The following ITGB5 variants were observed in gnomAD, a reference collection of about 807,000 sequenced individuals.
ITGB5 encodes integrin subunit beta 5.
Under a neutral mutation model 84.8 loss-of-function variants are expected in ITGB5, and 38 were observed. That is an observed-to-expected ratio of 0.45 (90% CI 0.35 to 0.59). The LOEUF (loss-of-function observed/expected upper bound fraction) is 0.59, where lower values mean the gene tolerates loss of function less well. Among genes scored for constraint, ITGB5 ranks in the 20% least tolerant of loss-of-function variants. ITGB5 has a pLI of 0.01. For synonymous variants in ITGB5, 393 were observed against 414.4 expected (o/e 0.95, Z 0.63); for missense variants, 905 against 1,034.5 (o/e 0.87, Z 1.72).
intron 1 of ITGB5, among the ~76,000 whole-genome samples, chr3:124,874,525 T>C (rs1934217274): frequency 6.6e-6 from 1 of 152,168 alleles, no homozygotes; most frequent in Admixed American, 6.6e-5. Context: ...CACAAAAGTT[T>C]GTATGAAACC....
At chr3:124,818,691 T>C (rs2064649454) in intron 7 of ITGB5, among the ~76,000 whole-genome samples, 2 of 152,062 alleles carry the variant, frequency 1.3e-5, no homozygotes, top group Non-Finnish European at 2.9e-5. Context: ...GGCTTTATCC[T>C]GCTATCTTCC....
At chr3:124,763,848 A>T in intron 14 of ITGB5, 130 bp from the exon 15 acceptor site, 1 of 605,362 alleles carries the variant, frequency 1.7e-6, no homozygotes, top group African/African-American at 1.9e-5. Context: ...ACTCAGGAGG[A>T]GACGGCCGTG....
intron 10 of ITGB5, among the ~76,000 whole-genome samples, chr3:124,779,817 G>C (rs1004416236): frequency 6.6e-6 from 1 of 152,124 alleles, no homozygotes; most frequent in Non-Finnish European, 1.5e-5. Flanking sequence ...GGCGGGGTGT[G>C]GGGGGAGCTT....
upstream of ITGB5, chr3:124,887,906 T>C (rs4679113): frequency 1.4e-5 from 3 of 222,074 alleles, no homozygotes; most frequent in South Asian, 4.7e-5. Context: ...AAAACCTACA[T>C]TTCTTTTTCT....
intron 5 of ITGB5, among the ~76,000 whole-genome samples, chr3:124,822,946 G>GA (rs147393939): frequency 0.021 from 3,253 of 152,202 alleles, 98 homozygotes; most frequent in African/African-American, 0.069. Flanking sequence ...AACTGAGCTG[G>GA]AAAAAATGAG....
At chr3:124,790,617 G>A (rs916044808) in intron 10 of ITGB5, among the ~76,000 whole-genome samples, 1 of 152,164 alleles carries the variant, frequency 6.6e-6, no homozygotes, top group Non-Finnish European at 1.5e-5. Flanking sequence ...TTGCTAAATC[G>A]GCCGGGAACT....
At chr3:124,892,097 T>C (rs1479287743), upstream of ITGB5, among the ~76,000 whole-genome samples, 1 of 151,978 alleles carries the variant, frequency 6.6e-6, no homozygotes, top group Non-Finnish European at 1.5e-5. Flanking sequence ...ATGTATAAAG[T>C]ACATAGAATG....
At chr3:124,873,162 GA>G (rs1934138337) in intron 2 of ITGB5, among the ~76,000 whole-genome samples, 1 of 152,156 alleles carries the variant, frequency 6.6e-6, no homozygotes, top group Non-Finnish European at 1.5e-5. Context: ...CCAAAGATCA[GA>G]AAACTATAGA....
chr3:124,806,992 A>G (rs2064415792), intron 9 of ITGB5, among the ~76,000 whole-genome samples: 1 of 152,228 alleles, frequency 6.6e-6, no homozygotes, highest in South Asian at 2.1e-4. Context: ...CACATCAATT[A>G]TATTTCTATT....
chr3:124,839,455 T>A (rs963332036), intron 5 of ITGB5, among the ~76,000 whole-genome samples: 3 of 152,208 alleles, frequency 2.0e-5, no homozygotes, highest in Non-Finnish European at 4.4e-5. Flanking sequence ...TGATCAATCA[T>A]GCCCTTTCAA....
At chr3:124,776,921 G>A (rs1309409294) in intron 10 of ITGB5, among the ~76,000 whole-genome samples, 1 of 152,130 alleles carries the variant, frequency 6.6e-6, no homozygotes, top group Non-Finnish European at 1.5e-5. Context: ...TAAGGGAACG[G>A]GCCTTCCTTG....
chr3:124,771,462 T>G (rs1294701059), intron 11 of ITGB5, among the ~76,000 whole-genome samples: 1 of 151,842 alleles, frequency 6.6e-6, no homozygotes, highest in Admixed American at 6.6e-5. Context: ...TAAGAAGGAA[T>G]AGTGGGCTGG....
chr3:124,833,903 G>T (rs2107582018), intron 5 of ITGB5, among the ~76,000 whole-genome samples: 1 of 152,280 alleles, frequency 6.6e-6, no homozygotes, highest in African/African-American at 2.4e-5. Flanking sequence ...AAAATAAGAT[G>T]ATAACTAGGA....
At chr3:124,887,937 G>C (rs1394515351), upstream of ITGB5, 2 of 203,242 alleles carry the variant, frequency 9.8e-6, no homozygotes, top group Non-Finnish European at 1.8e-5. Flanking sequence ...TTTTTTTTTT[G>C]AGACAGCGTC....
intron 1 of ITGB5, among the ~76,000 whole-genome samples, chr3:124,896,934 A>T (rs1015113886): frequency 1.3e-5 from 2 of 151,266 alleles, no homozygotes; most frequent in African/African-American, 2.4e-5. Context: ...AAAAAAATTT[A>T]AAAAGAAAAA....
chr3:124,765,459 T>C (rs2150920485), intron 13 of ITGB5, among the ~76,000 whole-genome samples: 1 of 152,328 alleles, frequency 6.6e-6, no homozygotes, highest in South Asian at 2.1e-4. Context: ...GGATGCTCCC[T>C]GACTTGAGTG....
chr3:124,762,382 ACCT>A lies in ITGB5; in HGVS notation c.*1238_*1240del, dbSNP rs757014997. Reference sequence around the variant, plus strand: ...CTTAGGAACAGTTTGTCATTCAGTAACCTCCTAACAAACACTCGGGCAAGCCAC... The same window carrying A: ...CTTAGGAACAGTTTGTCATTCAGTAACCTAACAAACACTCGGGCAAGCCAC... On this transcript the variant is annotated 3_prime_UTR_variant, in exon 15 of 15. Coordinates refer to ENST00000296181, the MANE Select transcript of ITGB5 (RefSeq NM_002213.5). 6.6e-6 allele frequency: 1 copy of A among 152,208 alleles called. No homozygotes were observed. The highest frequency in any genetic ancestry group is 1.5e-5 in the Non-Finnish European group (1 of 68,014). The allele number at this position is 152,208 out of a possible 1,614,324, so 9.4% of individuals were successfully genotyped here.
chr3:124,885,879 T>A (rs1249817646), intron 1 of ITGB5, among the ~76,000 whole-genome samples: 1 of 152,238 alleles, frequency 6.6e-6, no homozygotes, highest in Non-Finnish European at 1.5e-5. Flanking sequence ...ACTGCCTTCA[T>A]GTAAATGAGA....
chr3:124,763,467 C>T lies in ITGB5; in HGVS notation c.*156G>A. The T allele has an allele frequency of 1.8e-6, 1 of 549,874 alleles. No homozygotes were observed. The highest frequency in any genetic ancestry group is 2.2e-5 in the South Asian group (1 of 45,628). 34.1% of individuals were successfully genotyped at this position (549,874 alleles called of 1,614,324 possible). On this transcript the variant is annotated 3_prime_UTR_variant, in exon 15 of 15. Coordinates refer to ENST00000296181, the MANE Select transcript of ITGB5 (RefSeq NM_002213.5). ...CCAGGTGACATGGCCAGGCACCTTC[C>T]TGTACAGGCACTGTGGGCTCCTGGC...
Sources: gnomAD v4.1 joint callset for allele counts (sites outside exome capture counted in the v4.1 genomes callset) on GRCh38, gnomAD v4.1.1 for gene constraint, MANE v1.5 for transcripts, NCBI Gene and HGNC (gene_info 2026-07-23, HGNC 2026-07-21) for gene names.